Variants in INPP5A observed in about 807,000 individuals in gnomAD.
INPP5A encodes the protein inositol polyphosphate-5-phosphatase A, also known as 43 kDa inositol polyphosphate 5-phophatase.
A neutral mutation model predicts 65.2 loss-of-function variants in INPP5A; 14 were observed. The observed-to-expected ratio is 0.21, with a 90% CI of 0.14 to 0.34. The LOEUF (loss-of-function observed/expected upper bound fraction) is 0.34, where lower values mean the gene tolerates loss of function less well. Ranked by LOEUF, INPP5A falls within the 10% of genes least tolerant of loss-of-function variation. INPP5A has a pLI of 1.00. For synonymous variants in INPP5A, 207 were observed against 208.3 expected (o/e 0.99, Z 0.05); for missense variants, 431 against 545.6 (o/e 0.79, Z 2.09).
intron 2 of INPP5A, among the ~76,000 whole-genome samples, chr10:132,630,097 C>A (rs1481902860): frequency 6.6e-6 from 1 of 151,902 alleles, no homozygotes; most frequent in Non-Finnish European, 1.5e-5. Context: ...AGACATCCTT[C>A]AGAAAGGCAT....
At chr10:132,742,539 C>T (rs931911335) in intron 9 of INPP5A, among the ~76,000 whole-genome samples, 29 of 152,330 alleles carry the variant, frequency 1.9e-4, no homozygotes, top group African/African-American at 5.5e-4. Context: ...GTATCTAGTC[C>T]GGCGCCCAGT....
chr10:132,581,637 A>G (rs1432955778), intron 1 of INPP5A, among the ~76,000 whole-genome samples: 1 of 152,140 alleles, frequency 6.6e-6, no homozygotes, highest in South Asian at 2.1e-4. Flanking sequence ...TTTGAGGATT[A>G]AGGAGGTGAG....
At chr10:132,687,530 C>T (rs1192635608) in intron 4 of INPP5A, among the ~76,000 whole-genome samples, 3 of 152,256 alleles carry the variant, frequency 2.0e-5, no homozygotes, top group Non-Finnish European at 4.4e-5. Flanking sequence ...GCCTGCTGCA[C>T]CCTAGACCCA....
intron 12 of INPP5A, among the ~76,000 whole-genome samples, chr10:132,769,809 C>CG (rs1565010493): frequency 2.6e-5 from 4 of 151,812 alleles, no homozygotes; most frequent in African/African-American, 9.7e-5. Flanking sequence ...CTCCCCCCCC[C>CG]CAAGTTCCTG....
At chr10:132,690,874 C>T (rs142731089) in intron 5 of INPP5A, among the ~76,000 whole-genome samples, 143 of 152,304 alleles carry the variant, frequency 9.4e-4, no homozygotes, top group African/African-American at 3.3e-3. Flanking sequence ...TGCCCTGAGA[C>T]GCTCCGCTGA....
rs969434028 is a variant in INPP5A, at chr10:132,627,148, C to T, written c.118-18720C>T. On this transcript the variant is annotated intron_variant, in intron 2 of 15. Coordinates refer to ENST00000368594, the MANE Select transcript of INPP5A (RefSeq NM_005539.5). The surrounding 1 kb of genome is among the most constrained non-coding windows in gnomAD (Gnocchi z 6.6). ...AGCTCTGTGAGCCAGGAAGGACCCT[C>T]ACCAGGAACCAAACCGGCCGGCTTC... is the stretch of plus-strand genomic sequence containing the variant. Among the ~76,000 whole-genome samples, 28 of 152,308 alleles carry T rather than the reference C, an allele frequency of 1.8e-4. No individual in the cohort carries two copies. Among genetic ancestry groups the T allele is most frequent in the Admixed American group, 1.2e-3 (18 of 15,300 alleles).
rs1845496756 is a variant in INPP5A at position 132,704,292 on chromosome 10, A to T, written c.475-4021A>T. ...GAGGGGCCTCACCCAGTTACTGTAG[A>T]TTTGTCACCAGTCACACGTCCAGCC... On this transcript the variant is annotated intron_variant, in intron 6 of 15. Transcript: ENST00000368594. The surrounding 1 kb of genome is among the most constrained non-coding windows in gnomAD (Gnocchi z 4.5). 2.0e-5 allele frequency among the ~76,000 whole-genome samples: 3 copies of T among 152,226 alleles called. 1 individual carries two copies. The South Asian group carries it at 6.2e-4, about 32-fold the overall frequency.
In INPP5A at chr10:132,621,409, G is replaced by A. The variant is rs573975713; in HGVS notation, c.117+13453G>A. Among the ~76,000 whole-genome samples, 6 of 152,276 alleles carry A rather than the reference G, an allele frequency of 3.9e-5. No individual in the cohort carries two copies. The East Asian group carries it at 7.7e-4, about 20-fold the overall frequency. Reference sequence around the variant, plus strand: ...AGGTTCTGATGATGTTGCCTAAGGCGATTGGGGCACAGCTTGATTTTATCT... The same window carrying A: ...AGGTTCTGATGATGTTGCCTAAGGCAATTGGGGCACAGCTTGATTTTATCT... On this transcript the variant is annotated intron_variant, in intron 2 of 15. Transcript: ENST00000368594.
rs1047728374 is a variant in INPP5A at position 132,748,521 on chromosome 10, C to A, written c.733-996C>A. Among the ~76,000 whole-genome samples the A allele has an allele frequency of 2.0e-5, 3 of 152,334 alleles. No homozygotes were observed. The South Asian group carries it at 6.2e-4, about 32-fold the overall frequency. On this transcript the variant is annotated intron_variant, in intron 9 of 15. Transcript: ENST00000368594. ...TGTCGGGGCCAGGGGCTCCCCGTGG[C>A]CAGTCCACCCAGGTAGGGGTCTCCA... is the stretch of plus-strand genomic sequence containing the variant.
chr10:132,588,668 A>G (rs1246385588), intron 1 of INPP5A, among the ~76,000 whole-genome samples: 2 of 152,046 alleles, frequency 1.3e-5, no homozygotes, highest in East Asian at 3.9e-4. Context: ...GGGTTAAGGC[A>G]CCCACAGTGC....
intron 2 of INPP5A, among the ~76,000 whole-genome samples, chr10:132,640,119 A>G (rs988595945): frequency 2.0e-5 from 3 of 152,066 alleles, no homozygotes; most frequent in Non-Finnish European, 4.4e-5. Context: ...GATTCCGATA[A>G]CTCAGGGTTG....
In INPP5A at chr10:132,663,897, G is replaced by A. The variant is rs918186617; in HGVS notation, c.306+13392G>A. ...CGTAACAGGCTCTGTGGCAAAGGCTGGGCCAAGGTGCCTCGTGGGCAGCCG... is the reference window on the plus strand; with the variant it reads ...CGTAACAGGCTCTGTGGCAAAGGCTAGGCCAAGGTGCCTCGTGGGCAGCCG... On this transcript the variant is annotated intron_variant, in intron 4 of 15. Transcript: ENST00000368594. The surrounding 1 kb of genome is among the most constrained non-coding windows in gnomAD (Gnocchi z 4.5). 6.6e-6 allele frequency among the ~76,000 whole-genome samples: 1 copy of A among 152,236 alleles called. No individual in the cohort carries two copies. The highest frequency in any genetic ancestry group is 2.4e-5 in the African/African-American group (1 of 41,464).
Position 132,697,699 on chromosome 10 carries a change from C to CG in INPP5A, c.371-111dup, listed in dbSNP as rs979062960. The CG allele has an allele frequency of 2.4e-4, 170 of 706,410 alleles. No individual in the cohort carries two copies. Among genetic ancestry groups the CG allele is most frequent in the Middle Eastern group, 1.9e-3 (5 of 2,592 alleles). The allele number at this position is 706,410 out of a possible 1,614,324, so 43.8% of individuals were successfully genotyped here. A position where few individuals can be genotyped will look rare whatever the true frequency, so the allele number is the denominator to read the frequency against. On this transcript the variant is annotated intron_variant, in intron 5 of 15. Coordinates refer to ENST00000368594, the MANE Select transcript of INPP5A (RefSeq NM_005539.5). The surrounding 1 kb of genome is among the most constrained non-coding windows in gnomAD (Gnocchi z 5.6). ...CGGACCCCTCATCAGGGCCTCCTCT[C>CG]GGGGGGCCTCTCTGGCTCCCATCGG...
chr10:132,635,413 T>TTTTTTG (rs57045611), intron 2 of INPP5A, among the ~76,000 whole-genome samples: 3 of 138,484 alleles, frequency 2.2e-5, no homozygotes, highest in Admixed American at 7.4e-5. Flanking sequence ...TTTTTTTTTT[T>TTTTTTG]GAGACGGAGT....
intron 6 of INPP5A, 77 bp from the exon 7 acceptor site, chr10:132,708,236 C>T: frequency 1.0e-5 from 13 of 1,290,236 alleles, no homozygotes; most frequent in Non-Finnish European, 1.1e-5. Flanking sequence ...TCTCCTGTGT[C>T]CTTTAGGTGT....
intron 3 of INPP5A, among the ~76,000 whole-genome samples, chr10:132,647,279 C>T (rs148107658): frequency 0.023 from 3,546 of 152,126 alleles, 55 homozygotes; most frequent in Middle Eastern, 0.037. Context: ...CCACACCCAG[C>T]TAATTTTTTT....
In INPP5A at chr10:132,538,631, C is replaced by G. The variant is rs999320347; in HGVS notation, c.75+460C>G. ...ACCCTGGCCCTGGAATGCCCATCCC[C>G]AACCCTGGCCCTGAACCCCAGGTCC... On this transcript the variant is annotated intron_variant, in intron 1 of 15. Transcript: ENST00000368594. This position sits in a 1 kb window ranked among gnomAD's most constrained non-coding sequence, Gnocchi z 4.1. Among the ~76,000 whole-genome samples the G allele has an allele frequency of 6.6e-6, 1 of 152,134 alleles. No individual in the cohort carries two copies. Among genetic ancestry groups the G allele is most frequent in the Non-Finnish European group, 1.5e-5 (1 of 68,018 alleles).
chr10:132,658,665 G>A (rs1008157465), intron 4 of INPP5A, among the ~76,000 whole-genome samples: 1 of 152,082 alleles, frequency 6.6e-6, no homozygotes, highest in African/African-American at 2.4e-5. Flanking sequence ...ATGGGTGCCC[G>A]GGTGTCTGCA....
intron 11 of INPP5A, among the ~76,000 whole-genome samples, chr10:132,757,503 T>C (rs12254034): frequency 0.21 from 31,505 of 152,292 alleles, 3,433 homozygotes; most frequent in Non-Finnish European, 0.25. Context: ...GGCCTCCCAC[T>C]GTACAGCCCA....
Sources: gnomAD v4.1 joint callset for allele counts (sites outside exome capture counted in the v4.1 genomes callset) on GRCh38, gnomAD v4.1.1 for gene constraint, Gnocchi (gnomAD v3.1) non-coding constraint, MANE v1.5 for transcripts, NCBI Gene and HGNC (gene_info 2026-07-23, HGNC 2026-07-21) for gene names.